NCAM1: variants seen among roughly 807,000 people sequenced by gnomAD.
NCAM1 encodes the protein antigen recognized by monoclonal antibody 5.1H11.
In NCAM1, 14 loss-of-function variants were observed where a neutral mutation model predicts 109.8. The ratio of observed to expected loss-of-function variants is 0.13; its 90% CI spans 0.08 to 0.20. NCAM1 has a LOEUF of 0.20. Ranked by LOEUF, NCAM1 falls within the 10% of genes least tolerant of loss-of-function variation. NCAM1 has a pLI of 1.00. For missense variants in NCAM1, 774 were observed against 1,109.9 expected, an observed-to-expected ratio of 0.70 and a Z score of 4.30; for synonymous variants, 418 against 442.9, an observed-to-expected ratio of 0.94 and a Z score of 0.70.
rs782136098 is a variant in NCAM1 at position 113,233,334 on chromosome 11, G to A, written c.1693+17G>A. 1 of 1,607,272 alleles carries A rather than the reference G, an allele frequency of 6.2e-7. No homozygotes were observed. Among genetic ancestry groups the A allele is most frequent in the South Asian group, 1.1e-5 (1 of 89,366 alleles). Reference sequence around the variant, plus strand: ...CCAAGGAAGGTGAGTTGGGCGAGTTGGTGTTTCCATTGGGATCATGAGTGC... The same window carrying A: ...CCAAGGAAGGTGAGTTGGGCGAGTTAGTGTTTCCATTGGGATCATGAGTGC... On this transcript the variant is annotated intron_variant, in intron 13 of 19. Coordinates refer to ENST00000316851, the MANE Select transcript of NCAM1 (RefSeq NM_181351.5). This position sits in a 1 kb window ranked among gnomAD's most constrained non-coding sequence, Gnocchi z 4.5.
chr11:113,152,182 A>C (rs1185520494), intron 1 of NCAM1, among the ~76,000 whole-genome samples: 1 of 152,240 alleles, frequency 6.6e-6, no homozygotes, highest in East Asian at 1.9e-4. Flanking sequence ...TTGGAACTTC[A>C]GCATCACAGC....
chr11:113,116,926 G>A (rs1565445977), intron 1 of NCAM1, among the ~76,000 whole-genome samples: 1 of 151,888 alleles, frequency 6.6e-6, no homozygotes. Flanking sequence ...GCCTCTTTAT[G>A]AATATCGAAG....
intron 1 of NCAM1, among the ~76,000 whole-genome samples, chr11:112,996,834 G>C (rs1951609118): frequency 6.6e-6 from 1 of 152,176 alleles, no homozygotes; most frequent in Non-Finnish European, 1.5e-5. Flanking sequence ...TGTCATCCAA[G>C]GGACCCCGTC....
At chr11:112,996,659 G>T (rs983167740) in intron 1 of NCAM1, among the ~76,000 whole-genome samples, 2 of 152,138 alleles carry the variant, frequency 1.3e-5, no homozygotes, top group African/African-American at 4.8e-5. Context: ...GAATGACAGG[G>T]CAGTGCAGTT....
chr11:113,152,639 C>A (rs1434818821), intron 1 of NCAM1, among the ~76,000 whole-genome samples: 1 of 152,204 alleles, frequency 6.6e-6, no homozygotes, highest in Non-Finnish European at 1.5e-5. Flanking sequence ...GAACATGGAG[C>A]ATTTGTAACT....
intron 1 of NCAM1, among the ~76,000 whole-genome samples, chr11:113,123,391 G>A: frequency 6.6e-6 from 1 of 152,180 alleles, no homozygotes. Flanking sequence ...TGGGGAGGGG[G>A]TGCTTACTCT....
chr11:113,108,171 T>G (rs1940258368), intron 1 of NCAM1, among the ~76,000 whole-genome samples: 1 of 152,182 alleles, frequency 6.6e-6, no homozygotes, highest in African/African-American at 2.4e-5. Context: ...TGGACCCTAG[T>G]GTATGCATAA....
chr11:113,237,478 C>T (rs563894309), intron 14 of NCAM1, among the ~76,000 whole-genome samples: 2 of 152,316 alleles, frequency 1.3e-5, no homozygotes, highest in East Asian at 3.9e-4. Flanking sequence ...CGGGATGAAC[C>T]AGCTCTCGAA....
rs949927859 is a variant in NCAM1 at position 113,148,236 on chromosome 11, C to G, written c.53-54143C>G. Among the ~76,000 whole-genome samples the G allele has an allele frequency of 5.5e-4, 84 of 152,236 alleles. 1 individual carries two copies. Among genetic ancestry groups the G allele is most frequent in the African/African-American group, 2.0e-3 (82 of 41,554 alleles). ...CTCCCAGCAGCCGCTTCCATCTCTG[C>G]TTTCCCGTCCCAGGATTAGGATGCT... is the stretch of plus-strand genomic sequence containing the variant. On this transcript the variant is annotated intron_variant, in intron 1 of 19. Transcript: ENST00000316851.
In NCAM1 at chr11:113,018,685, C is replaced by G. The variant is rs1215076570; in HGVS notation, c.52+57021C>G. On this transcript the variant is annotated intron_variant, in intron 1 of 19. Coordinates refer to ENST00000316851, the MANE Select transcript of NCAM1 (RefSeq NM_181351.5). ...TATTGATTGATCATATAGATAATGG[C>G]CCCAGATTCAATCAGCCATCCGAAA... 2.6e-5 allele frequency among the ~76,000 whole-genome samples: 4 copies of G among 152,020 alleles called. No homozygotes were observed. The East Asian group carries it at 7.7e-4, about 29-fold the overall frequency.
chr11:113,101,578 T>A lies in NCAM1; in HGVS notation c.53-100801T>A, dbSNP rs539489260. Reference sequence around the variant, plus strand: ...TGCTTTCTGATTATCTAATTTCTCCTCTTTGACTGGATTTATGCTCATTGA... The same window carrying A: ...TGCTTTCTGATTATCTAATTTCTCCACTTTGACTGGATTTATGCTCATTGA... On this transcript the variant is annotated intron_variant, in intron 1 of 19. Coordinates refer to ENST00000316851, the MANE Select transcript of NCAM1 (RefSeq NM_181351.5). 2.4e-3 allele frequency among the ~76,000 whole-genome samples: 314 copies of A among 131,738 alleles called. 2 individuals are homozygous for A. Among genetic ancestry groups the A allele is most frequent in the African/African-American group, 8.6e-3 (300 of 34,868 alleles). 86.4% of individuals were successfully genotyped at this position (131,738 alleles called of 152,430 possible).
intron 9 of NCAM1, among the ~76,000 whole-genome samples, chr11:113,224,484 T>C (rs1944779004): frequency 6.6e-6 from 1 of 152,188 alleles, no homozygotes. Flanking sequence ...CCTGCCTGCC[T>C]CTTGTAGACT....
chr11:113,099,886 A>G (rs1281360157), intron 1 of NCAM1, among the ~76,000 whole-genome samples: 1 of 152,018 alleles, frequency 6.6e-6, no homozygotes, highest in African/African-American at 2.4e-5. Flanking sequence ...ACGGGGTTTC[A>G]CCATATTGGC....
At chr11:113,227,663 C>T (rs547326045) in intron 9 of NCAM1, among the ~76,000 whole-genome samples, 2 of 152,206 alleles carry the variant, frequency 1.3e-5, no homozygotes, top group Non-Finnish European at 2.9e-5. Flanking sequence ...CCCTGATGAA[C>T]ATCGATGCAA....
intron 1 of NCAM1, among the ~76,000 whole-genome samples, chr11:113,130,177 T>C (rs1360090260): frequency 6.6e-6 from 1 of 152,240 alleles, no homozygotes; most frequent in Non-Finnish European, 1.5e-5. Flanking sequence ...GTATTCACAT[T>C]GGCGAGCAGG....
intron 1 of NCAM1, 71 bp downstream of exon 1, chr11:112,961,735 C>T (rs1950569147): frequency 1.0e-6 from 1 of 989,608 alleles, no homozygotes; most frequent in East Asian, 2.6e-5. Flanking sequence ...CTAGGAGGAA[C>T]GCTATTATTT....
intron 1 of NCAM1, among the ~76,000 whole-genome samples, chr11:113,010,315 G>A (rs1374406112): frequency 6.6e-6 from 1 of 152,128 alleles, no homozygotes; most frequent in Non-Finnish European, 1.5e-5. Context: ...GAATTAAAAT[G>A]TATTTCCTCA....
chr11:113,188,603 G>T (rs1207263887), intron 1 of NCAM1, among the ~76,000 whole-genome samples: 2 of 152,138 alleles, frequency 1.3e-5, no homozygotes, highest in Non-Finnish European at 2.9e-5. Context: ...GTCCAATTTG[G>T]AATAGAAACT....
intron 1 of NCAM1, among the ~76,000 whole-genome samples, chr11:113,057,815 T>G (rs2135458660): frequency 6.6e-6 from 1 of 152,334 alleles, no homozygotes; most frequent in Middle Eastern, 3.4e-3. Flanking sequence ...ATGTTGGATT[T>G]GAGTGCATGT....
Sources: allele counts gnomAD v4.1 joint callset (sites outside exome capture counted in the v4.1 genomes callset), GRCh38; gene constraint gnomAD v4.1.1; non-coding constraint Gnocchi (gnomAD v3.1); transcripts MANE v1.5; gene names NCBI Gene and HGNC (gene_info 2026-07-23, HGNC 2026-07-21).